VRK2: variants seen among roughly 807,000 people sequenced by gnomAD.
VRK2 encodes the protein VRK serine/threonine kinase 2.
A neutral mutation model predicts 57.6 loss-of-function variants in VRK2; 60 were observed. The observed-to-expected ratio is 1.04, with a 90% CI of 0.85 to 1.29. VRK2 has a LOEUF of 1.29. Among genes scored for constraint, VRK2 ranks in the 50% most tolerant of loss-of-function variants. The pLI is 0.00. For missense variants in VRK2, 705 were observed against 588.1 expected, an observed-to-expected ratio of 1.20 and a Z score of -2.06; for synonymous variants, 231 against 199.2, an observed-to-expected ratio of 1.16 and a Z score of -1.35.
chr2:58,091,563 GA>G (rs1672379018), intron 7 of VRK2, among the ~76,000 whole-genome samples: 5 of 151,644 alleles, frequency 3.3e-5, no homozygotes, highest in Admixed American at 2.6e-4. Flanking sequence ...TAAAAAATTA[GA>G]AAAAATGTAA....
chr2:58,131,015 A>G (rs149219906), intron 8 of VRK2, among the ~76,000 whole-genome samples: 138 of 152,162 alleles, frequency 9.1e-4, no homozygotes, highest in African/African-American at 3.3e-3. Context: ...ATAGGTTGAT[A>G]TAAAATGATA....
chr2:57,962,788 T>C (rs1490078968), intron 1 of VRK2, among the ~76,000 whole-genome samples: 1 of 152,222 alleles, frequency 6.6e-6, no homozygotes, highest in Non-Finnish European at 1.5e-5. Context: ...TAATTTTTCA[T>C]TTTACTGTCA....
chr2:57,914,714 G>T (rs1196202842), intron 1 of VRK2, among the ~76,000 whole-genome samples: 1 of 152,122 alleles, frequency 6.6e-6, no homozygotes, highest in Non-Finnish European at 1.5e-5. Context: ...ATTTGTGGTT[G>T]TGTCCCTCTG....
At chr2:58,149,329 G>C (rs1302468460) in intron 12 of VRK2, among the ~76,000 whole-genome samples, 1 of 151,584 alleles carries the variant, frequency 6.6e-6, no homozygotes, top group Non-Finnish European at 1.5e-5. Flanking sequence ...TATAGAAATA[G>C]AATTTATTTT....
At chr2:58,030,404 A>C (rs1207209197) in intron 2 of VRK2, among the ~76,000 whole-genome samples, 2 of 152,068 alleles carry the variant, frequency 1.3e-5, no homozygotes, top group African/African-American at 4.8e-5. Context: ...GTAAGTCTCT[A>C]ATACTTTGCT....
chr2:58,070,344 C>T lies in VRK2; in HGVS notation c.137-13745C>T, dbSNP rs192668604. Among the ~76,000 whole-genome samples, 371 of 151,926 alleles carry T rather than the reference C, an allele frequency of 2.4e-3. 2 individuals carry two copies. Among genetic ancestry groups the T allele is most frequent in the Admixed American group, 3.5e-3 (54 of 15,216 alleles). ...GGGTTACAGACGTGCACCACTGTGC[C>T]CAGGTTTTATGTTATATAGTTTTAT... On this transcript the variant is annotated intron_variant, in intron 2 of 12. Coordinates refer to ENST00000340157, the MANE Select transcript of VRK2 (RefSeq NM_006296.7).
chr2:58,119,334 CT>C (rs1434000651), intron 7 of VRK2, among the ~76,000 whole-genome samples: 5 of 143,884 alleles, frequency 3.5e-5, no homozygotes, highest in African/African-American at 1.3e-4. Context: ...CCCATCTCTA[CT>C]AAAAATACAA....
At position 58,139,790 on chromosome 2, in the gene VRK2, A is replaced by G; in HGVS notation, c.981A>G (p.Thr327=). The G allele has an allele frequency of 6.2e-7, 1 of 1,613,158 alleles. No individual in the cohort carries two copies. Among genetic ancestry groups the G allele is most frequent in the Non-Finnish European group, 8.5e-7 (1 of 1,179,354 alleles). The change falls in exon 11 of 13, where the codon ACA becomes ACG. Residue 327 remains threonine (T), a synonymous_variant. Coordinates refer to ENST00000340157, the MANE Select transcript of VRK2 (RefSeq NM_006296.7). The part of the protein sequence containing the change: ...GIPLGPLDFS[T]KGQSINVHTP... ...CTTTAGGACCACTGGACTTTTCCAC[A>G]AAAGGACAGAGTATAAATGTCCATA...
chr2:58,057,724 G>C (rs1676733412), intron 2 of VRK2, among the ~76,000 whole-genome samples: 1 of 152,114 alleles, frequency 6.6e-6, no homozygotes, highest in African/African-American at 2.4e-5. Context: ...GTCTGTGAAA[G>C]GTTTGATTAA....
At chr2:57,922,555 G>A (rs1260441955) in intron 1 of VRK2, among the ~76,000 whole-genome samples, 1 of 151,708 alleles carries the variant, frequency 6.6e-6, no homozygotes, top group Non-Finnish European at 1.5e-5. Flanking sequence ...CATGCTAAGA[G>A]AGTAGATTTT....
At chr2:57,995,767 A>T (rs1024962319) in intron 1 of VRK2, among the ~76,000 whole-genome samples, 1 of 152,226 alleles carries the variant, frequency 6.6e-6, no homozygotes, top group Non-Finnish European at 1.5e-5. Flanking sequence ...CATCAAGAAC[A>T]TTCTATGTGA....
intron 8 of VRK2, among the ~76,000 whole-genome samples, chr2:58,124,263 A>G (rs1677968537): frequency 1.3e-5 from 2 of 152,202 alleles, no homozygotes; most frequent in African/African-American, 4.8e-5. Flanking sequence ...AGGAAGTAGG[A>G]GGTCAATATT....
intron 1 of VRK2, among the ~76,000 whole-genome samples, chr2:57,993,409 T>A (rs918783551): frequency 3.3e-5 from 5 of 151,728 alleles, no homozygotes; most frequent in Non-Finnish European, 4.4e-5. Context: ...TGCTAAGCAA[T>A]GGGTGTGCTA....
chr2:58,119,482 A>G (rs1677088089), intron 7 of VRK2, among the ~76,000 whole-genome samples: 2 of 151,390 alleles, frequency 1.3e-5, no homozygotes, highest in African/African-American at 2.4e-5. Context: ...ATCTCAAAAA[A>G]AAAAAAAAAA....
upstream of VRK2, among the ~76,000 whole-genome samples, chr2:58,043,919 T>C (rs1401292996): frequency 6.6e-6 from 1 of 152,234 alleles, no homozygotes; most frequent in East Asian, 1.9e-4. Context: ...TTCATTTTGA[T>C]GAAGTTAAAT....
At chr2:57,942,329 G>A (rs894851956) in intron 1 of VRK2, among the ~76,000 whole-genome samples, 3 of 152,202 alleles carry the variant, frequency 2.0e-5, no homozygotes, top group African/African-American at 4.8e-5. Context: ...AAATTATGCA[G>A]AGGAAGACAA....
At chr2:57,958,468 T>TAC (rs749343062) in intron 1 of VRK2, among the ~76,000 whole-genome samples, 17 of 151,544 alleles carry the variant, frequency 1.1e-4, no homozygotes, top group Admixed American at 6.6e-5. Flanking sequence ...TACATGTATA[T>TAC]ATACACACAC....
At chr2:58,122,288 C>G (rs1448386485) in intron 7 of VRK2, among the ~76,000 whole-genome samples, 1 of 152,046 alleles carries the variant, frequency 6.6e-6, no homozygotes, top group Non-Finnish European at 1.5e-5. Context: ...GGGTGCTGAC[C>G]CCCACTCCCC....
chr2:58,123,757 T>A (rs1306142381), intron 8 of VRK2, among the ~76,000 whole-genome samples: 1 of 150,544 alleles, frequency 6.6e-6, no homozygotes, highest in Non-Finnish European at 1.5e-5. Context: ...GAGGCTGAGG[T>A]GGGAGGAGGA....
Sources: allele counts gnomAD v4.1 joint callset (sites outside exome capture counted in the v4.1 genomes callset), GRCh38; gene constraint gnomAD v4.1.1; transcripts MANE v1.5; gene names NCBI Gene and HGNC (gene_info 2026-07-23, HGNC 2026-07-21).